Variants in GRM7 observed in about 807,000 individuals in gnomAD.
GRM7 encodes glutamate metabotropic receptor 7, also known as metabotropic glutamate receptor 7.
GRM7 carries 35 observed loss-of-function variants against 84.5 expected under a neutral mutation model. The ratio of observed to expected loss-of-function variants is 0.41; its 90% CI spans 0.32 to 0.55. GRM7 has a LOEUF of 0.55. Ranked by LOEUF, GRM7 falls within the 20% of genes least tolerant of loss-of-function variation. The probability of loss-of-function intolerance (pLI) is 0.19; values close to 1 mark genes in which losing one functional copy is unlikely to be tolerated. For synonymous variants in GRM7, 487 were observed against 455.1 expected, an observed-to-expected ratio of 1.07 and a Z score of -0.89; for missense variants, 1,003 against 1,194.6, an observed-to-expected ratio of 0.84 and a Z score of 2.36.
At chr3:7,246,971 G>T (rs779783128) in intron 2 of GRM7, among the ~76,000 whole-genome samples, 1 of 151,996 alleles carries the variant, frequency 6.6e-6, no homozygotes, top group Non-Finnish European at 1.5e-5. Context: ...ATGAGAAAAA[G>T]ATTAATTCAC....
At chr3:6,880,033 C>CT (rs1455331911) in intron 1 of GRM7, among the ~76,000 whole-genome samples, 1 of 152,056 alleles carries the variant, frequency 6.6e-6, no homozygotes, top group East Asian at 1.9e-4. Context: ...AAGTATTTAC[C>CT]AAAACTCATC....
chr3:7,601,556 G>T (rs1221974716), intron 8 of GRM7, among the ~76,000 whole-genome samples: 1 of 152,112 alleles, frequency 6.6e-6, no homozygotes, highest in African/African-American at 2.4e-5. Context: ...ATGCTTAGAA[G>T]AAAAGATGCA....
At chr3:6,910,161 G>C (rs73017726) in intron 1 of GRM7, among the ~76,000 whole-genome samples, 3 of 152,202 alleles carry the variant, frequency 2.0e-5, no homozygotes, top group Non-Finnish European at 4.4e-5. Context: ...TTAGTAGATA[G>C]GGTAAATGGA....
At chr3:7,350,115 T>C (rs1043492010) in intron 4 of GRM7, among the ~76,000 whole-genome samples, 1 of 152,116 alleles carries the variant, frequency 6.6e-6, no homozygotes, top group Admixed American at 6.6e-5. Context: ...AGGACAATGT[T>C]GTTTTGTATT....
intron 1 of GRM7, among the ~76,000 whole-genome samples, chr3:6,866,392 G>A (rs1026156177): frequency 5.1e-5 from 7 of 138,328 alleles, no homozygotes; most frequent in African/African-American, 1.6e-4. Context: ...AATCTTTTTT[G>A]TTTAGCTTGG....
chr3:7,346,804 C>T (rs181393304), intron 4 of GRM7, among the ~76,000 whole-genome samples: 1 of 152,128 alleles, frequency 6.6e-6, no homozygotes, highest in Non-Finnish European at 1.5e-5. Flanking sequence ...CCCATTAGAT[C>T]TATTCTGATC....
At chr3:7,461,000 A>G (rs1216086471) in intron 6 of GRM7, among the ~76,000 whole-genome samples, 1 of 152,238 alleles carries the variant, frequency 6.6e-6, no homozygotes, top group Non-Finnish European at 1.5e-5. Context: ...ATATTTACTG[A>G]ATACCTGACA....
chr3:7,693,602 G>C (rs1167500911), intron 9 of GRM7: 2 of 1,408,144 alleles, frequency 1.4e-6, no homozygotes, highest in African/African-American at 1.4e-5. Flanking sequence ...CCAAAGTCCA[G>C]ACTGAGACTT....
At chr3:6,949,830 T>G (rs1490234051) in intron 1 of GRM7, among the ~76,000 whole-genome samples, 1 of 152,238 alleles carries the variant, frequency 6.6e-6, no homozygotes, top group African/African-American at 2.4e-5. Context: ...TGATACCCTT[T>G]CTTCCCGTTG....
chr3:7,485,861 G>T (rs1193476034), intron 7 of GRM7, among the ~76,000 whole-genome samples: 1 of 152,112 alleles, frequency 6.6e-6, no homozygotes, highest in Non-Finnish European at 1.5e-5. Context: ...CACAAACTCT[G>T]TTCACATGTA....
At chr3:6,958,955 C>T (rs1459864523) in intron 1 of GRM7, among the ~76,000 whole-genome samples, 2 of 152,154 alleles carry the variant, frequency 1.3e-5, no homozygotes, top group Non-Finnish European at 2.9e-5. Context: ...AAAATTATAA[C>T]TCAAAACCCA....
At chr3:7,713,648 G>C (rs770581283) in intron 9 of GRM7, among the ~76,000 whole-genome samples, 1 of 152,068 alleles carries the variant, frequency 6.6e-6, no homozygotes, top group Admixed American at 6.6e-5. Context: ...AGCCAGCTCA[G>C]AGAGTAGTTC....
At chr3:6,948,362 GT>G in intron 1 of GRM7, among the ~76,000 whole-genome samples, 1 of 152,228 alleles carries the variant, frequency 6.6e-6, no homozygotes, top group Non-Finnish European at 1.5e-5. Context: ...TAGCTGAGCG[GT>G]TTTGAGTGAG....
At chr3:7,162,353 G>T (rs1694651791) in intron 2 of GRM7, among the ~76,000 whole-genome samples, 1 of 152,098 alleles carries the variant, frequency 6.6e-6, no homozygotes, top group East Asian at 1.9e-4. Flanking sequence ...ACTAAGGCAT[G>T]CCTGAAGACG....
chr3:7,267,757 G>C (rs57792224), intron 2 of GRM7, among the ~76,000 whole-genome samples: 1,965 of 152,298 alleles, frequency 0.013, 45 homozygotes, highest in African/African-American at 0.045. Context: ...GGAATCATGA[G>C]GGATGAGGGG....
intron 6 of GRM7, among the ~76,000 whole-genome samples, chr3:7,460,205 C>T (rs146777953): frequency 2.6e-4 from 39 of 147,906 alleles, no homozygotes; most frequent in African/African-American, 6.2e-4. Flanking sequence ...ACAAGAATGA[C>T]GCTAAAATAT....
intron 1 of GRM7, among the ~76,000 whole-genome samples, chr3:7,099,488 T>C (rs1293902571): frequency 6.9e-6 from 1 of 145,756 alleles, no homozygotes; most frequent in East Asian, 2.0e-4. Flanking sequence ...TATGTATATG[T>C]ACACGCATTA....
chr3:7,342,584 A>G (rs1215030458), intron 4 of GRM7, among the ~76,000 whole-genome samples: 1 of 152,160 alleles, frequency 6.6e-6, no homozygotes, highest in Non-Finnish European at 1.5e-5. Flanking sequence ...TGTACTAATC[A>G]TTTCCAAACT....
intron 1 of GRM7, among the ~76,000 whole-genome samples, chr3:7,036,649 T>C (rs777226239): frequency 2.0e-5 from 3 of 152,202 alleles, no homozygotes; most frequent in Non-Finnish European, 2.9e-5. Context: ...AAATTATATA[T>C]GCTTCAGTTT....
Sources: allele counts gnomAD v4.1 joint callset (sites outside exome capture counted in the v4.1 genomes callset), GRCh38; gene constraint gnomAD v4.1.1; transcripts MANE v1.5; gene names NCBI Gene and HGNC (gene_info 2026-07-23, HGNC 2026-07-21).